Variants in SEMA4G observed in about 807,000 individuals in gnomAD.
SEMA4G encodes semaphorin 4G.
In SEMA4G, 59 loss-of-function variants were observed where a neutral mutation model predicts 81.2. That is an observed-to-expected ratio of 0.73 (90% CI 0.59 to 0.90). The LOEUF (loss-of-function observed/expected upper bound fraction) is 0.90. SEMA4G is among the 40% of genes least tolerant of loss of function. The pLI, the probability that SEMA4G is intolerant of heterozygous loss-of-function variation, is 0.00. For missense variants in SEMA4G, 952 were observed against 1,102.3 expected, an observed-to-expected ratio of 0.86 and a Z score of 1.93; for synonymous variants, 404 against 433.9, an observed-to-expected ratio of 0.93 and a Z score of 0.86.
At chr10:100,982,039 C>T (rs994346093) in intron 13 of SEMA4G, among the ~76,000 whole-genome samples, 3 of 134,984 alleles carry the variant, frequency 2.2e-5, no homozygotes, top group African/African-American at 8.6e-5. Context: ...GCCTGGATAA[C>T]AGAGTGAGAC....
intron 13 of SEMA4G, chr10:100,981,456 C>G (rs755486359): frequency 8.7e-6 from 14 of 1,614,042 alleles, no homozygotes; most frequent in African/African-American, 1.3e-5. Flanking sequence ...CTTGTCACTT[C>G]TGGAGCTTAT....
chr10:100,979,193 T>C, exon 8 of SEMA4G: 1 of 1,614,188 alleles, frequency 6.2e-7, no homozygotes, highest in Non-Finnish European at 8.5e-7. Context: ...TATGAGACAC[T>C]GCGTGGGGTC....
chr10:100,979,931 A>T lies in SEMA4G; in HGVS notation c.1067A>T (p.Gln356Leu), dbSNP rs372466257. Reference sequence around the variant, plus strand: ...TTTGCAGGACCCTATATGGAATACCAGGATGGTTCCCGGCGCTGGGGTCGC... The same window carrying T: ...TTTGCAGGACCCTATATGGAATACCTGGATGGTTCCCGGCGCTGGGGTCGC... Residue 356 changes from glutamine (Q) to leucine (L), a missense_variant, in exon 9 of 14, where the codon CAG (glutamine) becomes CTG (leucine). Physicochemically the swap from Gln to Leu is moderately radical, Grantham distance 113 (BLOSUM62 -2). This residue lies in a region of SEMA4G where 436 missense variants were observed against 488.2 expected (regional missense o/e 0.89). Coordinates refer to ENST00000370250, the Ensembl canonical transcript of SEMA4G. The T allele has an allele frequency of 7.1e-5, 114 of 1,613,970 alleles. No individual in the cohort carries two copies. Among genetic ancestry groups the T allele is most frequent in the Non-Finnish European group, 9.4e-5 (111 of 1,180,016 alleles).
chr10:100,981,465 A>G (rs771837387), intron 13 of SEMA4G: 25 of 1,614,106 alleles, frequency 1.5e-5, no homozygotes, highest in Non-Finnish European at 1.9e-5. Context: ...TCTGGAGCTT[A>G]TAGCCAAGTA....
intron 8 of SEMA4G, among the ~76,000 whole-genome samples, chr10:100,979,622 C>T (rs540774934): frequency 1.3e-5 from 2 of 152,086 alleles, no homozygotes; most frequent in Non-Finnish European, 2.9e-5. Context: ...ACCTCGTGAT[C>T]TGCTCGCCTC....
intron 3 of SEMA4G, chr10:100,975,008 T>C: frequency 1.9e-6 from 1 of 533,862 alleles, no homozygotes; most frequent in Non-Finnish European, 3.8e-6. Context: ...CCAGGGGTGG[T>C]GTTGGGACAG....
chr10:100,977,858 A>C, intron 4 of SEMA4G, 128 bp downstream of exon 5: 3 of 764,038 alleles, frequency 3.9e-6, no homozygotes, highest in Non-Finnish European at 6.8e-6. Flanking sequence ...ACTTCCATAC[A>C]GGGCACTCCA....
At position 100,979,797 on chromosome 10, in the gene SEMA4G, G is replaced by C. The variant is rs775848507; in HGVS notation, c.984-51G>C. On this transcript the variant is annotated intron_variant, in intron 8 of 13. Transcript: ENST00000370250. The stretch of plus-strand genomic sequence containing the variant: ...CTTCAGGCTGAGCACGAGTTGGGGG[G>C]CAGGCTTGACTCCATGTAACTCACC... 85 of 1,600,968 alleles carry C rather than the reference G, an allele frequency of 5.3e-5. 1 individual carries two copies. In the South Asian group the frequency reaches 8.8e-4, roughly 17 times the overall value.
chr10:100,970,617 A>C (rs990392935), upstream of SEMA4G, among the ~76,000 whole-genome samples: 5 of 151,964 alleles, frequency 3.3e-5, no homozygotes, highest in Admixed American at 6.5e-5. Flanking sequence ...GGGCCTTAGA[A>C]TTGGGACTTT....
rs745796578 is a variant in SEMA4G, at chr10:100,979,076, C to T, written c.814-26C>T. 20 of 1,613,362 alleles carry T rather than the reference C, an allele frequency of 1.2e-5. No individual in the cohort carries two copies. The South Asian group carries it at 2.1e-4, about 17-fold the overall frequency. On this transcript the variant is annotated intron_variant, in intron 7 of 13. Coordinates refer to ENST00000370250, the Ensembl canonical transcript of SEMA4G. Reference sequence around the variant, plus strand: ...GAGGCTGGACCTCTGACCCTGGCCCCTTATCCCGTGCCTCTACCTCCCCAG... The same window carrying T: ...GAGGCTGGACCTCTGACCCTGGCCCTTTATCCCGTGCCTCTACCTCCCCAG...
At chr10:100,975,189 T>A (rs376864026) in intron 3 of SEMA4G, 2 of 382,474 alleles carry the variant, frequency 5.2e-6, no homozygotes, top group East Asian at 1.4e-4. Flanking sequence ...CAGAATTTGA[T>A]ACTTTAGAGG....
exon 1 of SEMA4G, chr10:100,972,843 T>C: frequency 6.5e-7 from 1 of 1,532,654 alleles, no homozygotes. Flanking sequence ...GTGCTTCCCA[T>C]TCCCCGCCCC....
At chr10:100,977,236 T>G (rs748383445) in intron 3 of SEMA4G, among the ~76,000 whole-genome samples, 9 of 152,102 alleles carry the variant, frequency 5.9e-5, no homozygotes, top group Non-Finnish European at 1.2e-4. Flanking sequence ...AGGGATAGAT[T>G]TGGTTGTATC....
intron 13 of SEMA4G, 116 bp from the exon 15 acceptor site, chr10:100,983,189 C>G: frequency 8.0e-7 from 1 of 1,251,300 alleles, no homozygotes; most frequent in Non-Finnish European, 1.1e-6. Flanking sequence ...TCAGCTGTCA[C>G]TGTGATTCTG....
chr10:100,977,693 G>A (rs932716016), exon 4 of SEMA4G: 1 of 1,614,124 alleles, frequency 6.2e-7, no homozygotes, highest in Non-Finnish European at 8.5e-7. Flanking sequence ...CTCTATGCAT[G>A]TGGGACTCAC....
In SEMA4G at chr10:100,980,986, C is replaced by T. The variant is rs7905266; in HGVS notation, c.1628+4C>T. The T allele has an allele frequency of 5.0e-3, 7,992 of 1,597,750 alleles. 210 individuals carry two copies. The African/African-American group carries it at 0.064, about 13-fold the overall frequency. ...CAGCCACCACCATAGCCAACAGGTCCCAGGGAAGCAGGTGGGAAGTGGTGG... is the reference window on the plus strand; with the variant it reads ...CAGCCACCACCATAGCCAACAGGTCTCAGGGAAGCAGGTGGGAAGTGGTGG... On this transcript the variant is annotated splice_donor_region_variant and intron_variant, in intron 12 of 13. Transcript: ENST00000370250.
chr10:100,972,538 C>G (rs1850663843), upstream of SEMA4G: 1 of 184,072 alleles, frequency 5.4e-6, no homozygotes, highest in Non-Finnish European at 1.1e-5. Context: ...GAAAACGGAC[C>G]TCAGAAAACC....
chr10:100,974,038 A>G (rs1308959927), intron 3 of SEMA4G, among the ~76,000 whole-genome samples: 1 of 151,706 alleles, frequency 6.6e-6, no homozygotes. Flanking sequence ...AGCCTCCCAA[A>G]GTGCTGGGAT....
rs753763695 is a variant in SEMA4G at position 100,973,302 on chromosome 10, C to A, written c.273+25C>A. 5.0e-6 allele frequency: 8 copies of A among 1,610,646 alleles called. No individual in the cohort carries two copies. The Admixed American group carries it at 5.0e-5, about 10-fold the overall frequency. On this transcript the variant is annotated intron_variant, in intron 2 of 13. Coordinates refer to ENST00000370250, the Ensembl canonical transcript of SEMA4G. The surrounding 1 kb of genome is among the most constrained non-coding windows in gnomAD (Gnocchi z 5.5). ...GGTCAGGCCCTGGAACCTGGACCAC[C>A]CAGAGGGTCTCTATGCTTATCCAGC...
Sources: gnomAD v4.1 joint callset for allele counts (sites outside exome capture counted in the v4.1 genomes callset) on GRCh38, gnomAD v4.1.1 for gene constraint, gnomAD v4.1.1 regional missense constraint, Gnocchi (gnomAD v3.1) non-coding constraint, MANE v1.5 for transcripts, NCBI Gene and HGNC (gene_info 2026-07-23, HGNC 2026-07-21) for gene names.